Variants in RPRD1B observed in about 807,000 individuals in gnomAD.
The protein encoded by RPRD1B is regulation of nuclear pre-mRNA domain containing 1B.
Under a neutral mutation model 41.5 loss-of-function variants are expected in RPRD1B, and 11 were observed. The ratio of observed to expected loss-of-function variants is 0.27; its 90% confidence interval spans 0.17 to 0.44. The LOEUF (loss-of-function observed/expected upper bound fraction) is 0.44, where lower values mean the gene tolerates loss of function less well. Ranked by LOEUF, RPRD1B falls within the 20% of genes least tolerant of loss-of-function variation. The probability of loss-of-function intolerance (pLI) is 1.00; values close to 1 mark genes in which losing one functional copy is unlikely to be tolerated. For missense variants in RPRD1B, 248 were observed against 389.9 expected (o/e 0.64, Z 3.06); for synonymous variants, 158 against 155.6 (o/e 1.02, Z -0.12).
intron 3 of RPRD1B, among the ~76,000 whole-genome samples, chr20:38,055,177 CAAAAG>C (rs1568650158): frequency 6.6e-6 from 1 of 151,984 alleles, no homozygotes; most frequent in Admixed American, 6.6e-5. Flanking sequence ...TGTACGGAAA[CAAAAG>C]AGATAATAAA....
intron 6 of RPRD1B, among the ~76,000 whole-genome samples, chr20:38,085,996 C>T (rs768813362): frequency 3.9e-5 from 6 of 152,208 alleles, no homozygotes; most frequent in East Asian, 1.9e-4. Context: ...TGTGCCACCA[C>T]GCTTGGCTAA....
chr20:38,045,316 T>C (rs551642947), intron 2 of RPRD1B, among the ~76,000 whole-genome samples: 4 of 152,354 alleles, frequency 2.6e-5, no homozygotes, highest in South Asian at 4.1e-4. Flanking sequence ...CTTTCTGTTA[T>C]AAAACGGCTT....
At chr20:38,043,746 A>G (rs767911640) in intron 2 of RPRD1B, among the ~76,000 whole-genome samples, 4 of 152,212 alleles carry the variant, frequency 2.6e-5, no homozygotes, top group Non-Finnish European at 5.9e-5. Context: ...TAGTAAGTGA[A>G]AAGAGAAATC....
chr20:38,076,344 A>G (rs1215621752), intron 6 of RPRD1B, among the ~76,000 whole-genome samples: 2 of 152,196 alleles, frequency 1.3e-5, no homozygotes, highest in Non-Finnish European at 2.9e-5. Flanking sequence ...AGATTCCAAC[A>G]CCTTAACTAA....
rs2122677401 is a variant in RPRD1B at position 38,033,782 on chromosome 20, T to C, written c.-166T>C. The C allele has an allele frequency of 6.4e-6, 4 of 627,324 alleles. No individual in the cohort carries two copies. In the South Asian group the frequency reaches 8.6e-5, roughly 14 times the overall value. The allele number at this position is 627,324 out of a possible 1,614,324, so 38.9% of individuals were successfully genotyped here. The stretch of plus-strand genomic sequence containing the variant: ...ATCTTGTGGCGGCGGCGCGGGCGGC[T>C]GTTACTGCGGAGACCCATCCCCTCC... On this transcript the variant is annotated 5_prime_UTR_variant, in exon 1 of 7. Transcript: ENST00000373433.
At chr20:38,040,673 A>G in intron 2 of RPRD1B, 109 bp downstream of exon 2, 1 of 1,264,046 alleles carries the variant, frequency 7.9e-7, no homozygotes. Context: ...CCTACTTTAC[A>G]GAGAGTTGTG....
chr20:38,047,739 A>C (rs1412127882), intron 2 of RPRD1B, among the ~76,000 whole-genome samples: 2 of 152,166 alleles, frequency 1.3e-5, no homozygotes, highest in African/African-American at 4.8e-5. Context: ...TTTGATATAA[A>C]TTATGAAGGA....
At chr20:38,036,652 CAG>C (rs1429348732) in intron 1 of RPRD1B, among the ~76,000 whole-genome samples, 2 of 152,204 alleles carry the variant, frequency 1.3e-5, no homozygotes, top group Non-Finnish European at 2.9e-5. Flanking sequence ...AGGATCTAAA[CAG>C]CGCTATCCAA....
At chr20:38,069,096 T>G (rs2074386451) in intron 6 of RPRD1B, among the ~76,000 whole-genome samples, 1 of 152,340 alleles carries the variant, frequency 6.6e-6, no homozygotes, top group South Asian at 2.1e-4. Context: ...TCTAATATAC[T>G]TAGGTTTTGT....
Position 38,091,529 on chromosome 20 carries a change from A to C in RPRD1B, c.*1654A>C. 1 of 985,384 alleles carries C rather than the reference A, an allele frequency of 1.0e-6. No homozygotes were observed. The highest frequency in any genetic ancestry group is 1.2e-6 in the Non-Finnish European group (1 of 829,902). The allele number at this position is 985,384 out of a possible 1,614,324, so 61.0% of individuals were successfully genotyped here. ...CACTGCCTGTCGTTCTGTCACTGTT[A>C]AATTAATGAGTCTATAAGGTTTTTC... On this transcript the variant is annotated 3_prime_UTR_variant, in exon 7 of 7. Transcript: ENST00000373433.
rs1490689792 is a variant in RPRD1B, at chr20:38,064,307, T to TG, written c.656-1773dup. Among the ~76,000 whole-genome samples the TG allele has an allele frequency of 5.3e-5, 8 of 152,342 alleles. No individual in the cohort carries two copies. In the East Asian group the frequency reaches 1.5e-3, roughly 29 times the overall value. The stretch of plus-strand genomic sequence containing the variant: ...TCTGGAATCCTTCAGCAGTTCCTCT[T>TG]GCAATATTCACATTAAGAAGGCATC... On this transcript the variant is annotated intron_variant, in intron 5 of 6. Coordinates refer to ENST00000373433, the MANE Select transcript of RPRD1B (RefSeq NM_021215.4).
chr20:38,084,066 G>A (rs938213352), intron 6 of RPRD1B: 9 of 152,202 alleles, frequency 5.9e-5, no homozygotes, highest in African/African-American at 2.2e-4. Context: ...TGGTTTAAGA[G>A]GCTGTGCTTC....
rs571789592 is a variant in RPRD1B, at chr20:38,088,219, A to G, written c.832-1507A>G. Among the ~76,000 whole-genome samples, 149 of 152,180 alleles carry G rather than the reference A, an allele frequency of 9.8e-4. 1 individual carries two copies. Among genetic ancestry groups the G allele is most frequent in the African/African-American group, 3.4e-3 (142 of 41,506 alleles). On this transcript the variant is annotated intron_variant, in intron 6 of 6. Transcript: ENST00000373433. ...CCTTGCTTGGACTTTTGTCTTTACA[A>G]CTTGAACTAAGTATTCTCCATTTGA... is the stretch of plus-strand genomic sequence containing the variant.
At chr20:38,076,906 C>CATTTTTTTTTT (rs2074466082) in intron 6 of RPRD1B, among the ~76,000 whole-genome samples, 1 of 63,510 alleles carries the variant, frequency 1.6e-5, no homozygotes, top group Non-Finnish European at 2.8e-5. Flanking sequence ...CATTCTGGAC[C>CATTTTTTTTTT]TTTTTTTTTT....
intron 2 of RPRD1B, among the ~76,000 whole-genome samples, chr20:38,042,402 CA>C (rs2122696537): frequency 6.6e-6 from 1 of 152,162 alleles, no homozygotes; most frequent in East Asian, 1.9e-4. Context: ...GTCCTGAAAC[CA>C]AAAAGTAAAT....
At chr20:38,077,156 G>T (rs529204767) in intron 6 of RPRD1B, among the ~76,000 whole-genome samples, 2 of 151,856 alleles carry the variant, frequency 1.3e-5, no homozygotes, top group South Asian at 2.1e-4. Flanking sequence ...GACCTCAGGA[G>T]ATCCACCCGC....
At position 38,062,775 on chromosome 20, in the gene RPRD1B, C is replaced by G. The variant is rs1337534735; in HGVS notation, c.655+3255C>G. Among the ~76,000 whole-genome samples, 3 of 151,324 alleles carry G rather than the reference C, an allele frequency of 2.0e-5. No individual in the cohort carries two copies. The East Asian group carries it at 5.8e-4, about 29-fold the overall frequency. On this transcript the variant is annotated intron_variant, in intron 5 of 6. Transcript: ENST00000373433. ...CTTAGTAGAAGGCAGATCATGTCTC[C>G]CGCTCCACATAACACCCCCACGACT...
rs1050737523 is a variant in RPRD1B, at chr20:38,062,692, G to A, written c.655+3172G>A. The stretch of plus-strand genomic sequence containing the variant: ...GCCTCCCAGCTGGTCTAGCTACTTC[G>A]TTTGTTCCTCTTGCTCAGCCATCAT... On this transcript the variant is annotated intron_variant, in intron 5 of 6. Transcript: ENST00000373433. 7.2e-5 allele frequency among the ~76,000 whole-genome samples: 11 copies of A among 151,914 alleles called. No homozygotes were observed. The East Asian group carries it at 1.2e-3, about 16-fold the overall frequency.
chr20:38,057,745 C>T lies in RPRD1B; in HGVS notation c.528+101C>T, dbSNP rs563531096. On this transcript the variant is annotated intron_variant, in intron 4 of 6. Transcript: ENST00000373433. ...GCGCCAGTGACCACTGGTATGGAAT[C>T]ATCAGAGGGCACCTCTCAGGGGCCC... is the stretch of plus-strand genomic sequence containing the variant. The T allele has an allele frequency of 2.7e-4, 211 of 788,034 alleles. 1 individual carries two copies. Among genetic ancestry groups the T allele is most frequent in the Middle Eastern group, 7.5e-4 (2 of 2,650 alleles). The allele number at this position is 788,034 out of a possible 1,614,324, so 48.8% of individuals were successfully genotyped here. A position where few individuals can be genotyped will look rare whatever the true frequency, so the allele number is the denominator to read the frequency against.
Sources: gnomAD v4.1 joint callset for allele counts (sites outside exome capture counted in the v4.1 genomes callset) on GRCh38, gnomAD v4.1.1 for gene constraint, MANE v1.5 for transcripts, NCBI Gene and HGNC (gene_info 2026-07-23, HGNC 2026-07-21) for gene names.